Variants in HS6ST3 observed in about 807,000 individuals in gnomAD.
HS6ST3 encodes the protein heparan-sulfate 6-O-sulfotransferase 3.
A neutral mutation model predicts 36.7 loss-of-function variants in HS6ST3; 12 were observed. The observed-to-expected ratio is 0.33, with a 90% CI of 0.21 to 0.53. The LOEUF is 0.53. Among genes scored for constraint, HS6ST3 ranks in the 20% least tolerant of loss-of-function variants. HS6ST3 has a pLI of 0.95. For missense variants in HS6ST3, 584 were observed against 640.9 expected (o/e 0.91, Z 0.96); for synonymous variants, 240 against 257.5 (o/e 0.93, Z 0.65).
chr13:96,243,859 C>A (rs1331943305), intron 1 of HS6ST3, among the ~76,000 whole-genome samples: 1 of 151,178 alleles, frequency 6.6e-6, no homozygotes, highest in African/African-American at 2.4e-5. Context: ...ATTGACTTAG[C>A]TGTACTAACT....
rs2055519230 is a variant in HS6ST3, at chr13:96,413,666, A to G, written c.707+322097A>G. ...ATCTTGAATTTGCTTATAAATAGCT[A>G]TGGTTGTGAGAATAACATATTTGAT... On this transcript the variant is annotated intron_variant, in intron 1 of 1. Coordinates refer to ENST00000376705, the MANE Select transcript of HS6ST3 (RefSeq NM_153456.4). Among the ~76,000 whole-genome samples, 3 of 152,210 alleles carry G rather than the reference A, an allele frequency of 2.0e-5. No homozygotes were observed. The South Asian group carries it at 6.2e-4, about 32-fold the overall frequency.
intron 1 of HS6ST3, among the ~76,000 whole-genome samples, chr13:96,119,841 A>G (rs1448807254): frequency 4.4e-5 from 3 of 68,238 alleles, no homozygotes; most frequent in Non-Finnish European, 7.0e-5. Context: ...GATTAAAATT[A>G]CTTTCACAGA....
At chr13:96,520,267 A>G (rs953840616) in intron 1 of HS6ST3, among the ~76,000 whole-genome samples, 1 of 152,150 alleles carries the variant, frequency 6.6e-6, no homozygotes, top group Non-Finnish European at 1.5e-5. Context: ...GCCTTGTAGT[A>G]TAGTTAGAAG....
At chr13:96,604,082 G>C (rs569784885) in intron 1 of HS6ST3, among the ~76,000 whole-genome samples, 1 of 152,278 alleles carries the variant, frequency 6.6e-6, no homozygotes, top group African/African-American at 2.4e-5. Context: ...GGTAAGAGCT[G>C]TGCATTTCAA....
intron 1 of HS6ST3, among the ~76,000 whole-genome samples, chr13:96,307,542 T>C (rs1461129565): frequency 6.6e-6 from 1 of 152,170 alleles, no homozygotes; most frequent in Admixed American, 6.6e-5. Context: ...AGATGACTTC[T>C]GAACCTGTGG....
At position 96,271,434 on chromosome 13, in the gene HS6ST3, C is replaced by G. The variant is rs1373034967; in HGVS notation, c.707+179865C>G. The stretch of plus-strand genomic sequence containing the variant: ...GCAGCTCAACCAGTAGGAGCTGGCT[C>G]CAGCACATCACTGACAATCACACAG... On this transcript the variant is annotated intron_variant, in intron 1 of 1. Coordinates refer to ENST00000376705, the MANE Select transcript of HS6ST3 (RefSeq NM_153456.4). Among the ~76,000 whole-genome samples the G allele has an allele frequency of 1.3e-5, 2 of 151,908 alleles. 1 individual carries two copies. The highest frequency in any genetic ancestry group is 4.1e-4 in the South Asian group (2 of 4,824).
intron 1 of HS6ST3, among the ~76,000 whole-genome samples, chr13:96,800,902 C>T (rs184858098): frequency 6.6e-6 from 1 of 152,220 alleles, no homozygotes; most frequent in Non-Finnish European, 1.5e-5. Flanking sequence ...TTTGGTGGCC[C>T]TCTAGTTACT....
chr13:96,537,857 CCT>C (rs1361007301), intron 1 of HS6ST3, among the ~76,000 whole-genome samples: 10 of 152,094 alleles, frequency 6.6e-5, no homozygotes, highest in Non-Finnish European at 1.5e-4. Flanking sequence ...AGAGAGTCTG[CCT>C]CTGTTTGCAA....
At chr13:96,614,747 A>G (rs2056468311) in intron 1 of HS6ST3, among the ~76,000 whole-genome samples, 1 of 152,076 alleles carries the variant, frequency 6.6e-6, no homozygotes. Flanking sequence ...TTAAAAATAT[A>G]TTTTCTTTTA....
At chr13:96,670,002 A>G (rs1023249039) in intron 1 of HS6ST3, among the ~76,000 whole-genome samples, 2 of 152,160 alleles carry the variant, frequency 1.3e-5, no homozygotes, top group South Asian at 4.1e-4. Context: ...TAAAGCCATG[A>G]AATTGGATGA....
intron 1 of HS6ST3, among the ~76,000 whole-genome samples, chr13:96,510,759 G>A (rs2056046491): frequency 6.6e-6 from 1 of 151,964 alleles, no homozygotes; most frequent in East Asian, 1.9e-4. Flanking sequence ...ATTCCCTAGT[G>A]TCATTCTCCT....
chr13:96,477,689 G>A (rs1566372253), intron 1 of HS6ST3, among the ~76,000 whole-genome samples: 2 of 152,028 alleles, frequency 1.3e-5, no homozygotes, highest in African/African-American at 4.8e-5. Context: ...GGCCAACATG[G>A]TGAAACCCCG....
intron 1 of HS6ST3, among the ~76,000 whole-genome samples, chr13:96,550,609 A>G (rs985378598): frequency 2.0e-5 from 3 of 151,636 alleles, no homozygotes; most frequent in Non-Finnish European, 4.4e-5. Context: ...ATAAAAATGG[A>G]TTTCTGCAGC....
chr13:96,163,497 G>A (rs866910634), intron 1 of HS6ST3, among the ~76,000 whole-genome samples: 2 of 152,132 alleles, frequency 1.3e-5, no homozygotes, highest in African/African-American at 4.8e-5. Context: ...CCAAAGTGCT[G>A]GGATTACAGG....
chr13:96,480,080 C>T (rs117787961), intron 1 of HS6ST3, among the ~76,000 whole-genome samples: 483 of 152,228 alleles, frequency 3.2e-3, no homozygotes, highest in Admixed American at 0.011. Context: ...ATATTGTCTA[C>T]CACAAGGACT....
chr13:96,214,400 C>T (rs1351180906), intron 1 of HS6ST3, among the ~76,000 whole-genome samples: 1 of 152,088 alleles, frequency 6.6e-6, no homozygotes, highest in Non-Finnish European at 1.5e-5. Context: ...AGTAGCCCTG[C>T]CATGGTGGTC....
chr13:96,721,161 A>G (rs1875837575), intron 1 of HS6ST3, among the ~76,000 whole-genome samples: 2 of 152,190 alleles, frequency 1.3e-5, no homozygotes, highest in Admixed American at 6.5e-5. Flanking sequence ...ATTGAAGAGC[A>G]AGGTGTTCAT....
chr13:96,140,601 G>A (rs2054026950), intron 1 of HS6ST3, among the ~76,000 whole-genome samples: 1 of 152,188 alleles, frequency 6.6e-6, no homozygotes, highest in Non-Finnish European at 1.5e-5. Flanking sequence ...ACAGAGGTCT[G>A]CAGATATGGT....
chr13:96,175,214 C>T (rs1594704436), intron 1 of HS6ST3, among the ~76,000 whole-genome samples: 1 of 152,108 alleles, frequency 6.6e-6, no homozygotes, highest in East Asian at 1.9e-4. Flanking sequence ...TTTGCCCTCT[C>T]ATTTAATATT....
Sources: allele counts gnomAD v4.1 joint callset (sites outside exome capture counted in the v4.1 genomes callset), GRCh38; gene constraint gnomAD v4.1.1; transcripts MANE v1.5; gene names NCBI Gene and HGNC (gene_info 2026-07-23, HGNC 2026-07-21).